Variants in PTPRT observed in about 807,000 individuals in gnomAD.
The protein encoded by PTPRT is protein tyrosine phosphatase receptor type T, also known as receptor-type tyrosine-protein phosphatase T.
PTPRT carries 56 observed loss-of-function variants against 176.8 expected under a neutral mutation model. The ratio of observed to expected loss-of-function variants is 0.32; its 90% CI spans 0.26 to 0.40. PTPRT has a LOEUF of 0.40. PTPRT is among the 10% of genes least tolerant of loss of function. The pLI, the probability that PTPRT is intolerant of heterozygous loss-of-function variation, is 1.00. For synonymous variants in PTPRT, 783 were observed against 739.0 expected, an observed-to-expected ratio of 1.06 and a Z score of -0.96; for missense variants, 1,540 against 1,908.2, an observed-to-expected ratio of 0.81 and a Z score of 3.60.
intron 16 of PTPRT, among the ~76,000 whole-genome samples, chr20:42,173,444 G>C (rs915550319): frequency 6.6e-6 from 1 of 151,668 alleles, no homozygotes; most frequent in Non-Finnish European, 1.5e-5. Flanking sequence ...GTATAATTTT[G>C]TTCAAAAAAG....
At chr20:42,789,655 A>G (rs535226587) in intron 3 of PTPRT, among the ~76,000 whole-genome samples, 9 of 152,300 alleles carry the variant, frequency 5.9e-5, no homozygotes, top group Admixed American at 2.6e-4. Flanking sequence ...CCTCTCCCCT[A>G]TTTCTGAAAG....
chr20:42,547,889 T>C (rs2072703576), intron 7 of PTPRT, among the ~76,000 whole-genome samples: 1 of 152,020 alleles, frequency 6.6e-6, no homozygotes, highest in Non-Finnish European at 1.5e-5. Context: ...CTAGATATAA[T>C]ATCAACTCCA....
intron 3 of PTPRT, among the ~76,000 whole-genome samples, chr20:42,786,152 G>A (rs941282913): frequency 3.9e-5 from 6 of 152,128 alleles, no homozygotes; most frequent in Admixed American, 3.3e-4. Context: ...TAAGTTTCCT[G>A]AGGCCTCCCC....
chr20:42,474,333 T>C (rs181393463), intron 7 of PTPRT, among the ~76,000 whole-genome samples: 16 of 152,276 alleles, frequency 1.1e-4, no homozygotes, highest in African/African-American at 3.8e-4. Context: ...TCTGTCCCTA[T>C]GGGGAAAATA....
intron 7 of PTPRT, among the ~76,000 whole-genome samples, chr20:42,604,108 C>T (rs2073831877): frequency 6.6e-6 from 1 of 152,148 alleles, no homozygotes; most frequent in Admixed American, 6.5e-5. Flanking sequence ...CATGCGGAGC[C>T]CATGTTGCAG....
At chr20:42,901,225 C>A (rs1465397946) in intron 1 of PTPRT, among the ~76,000 whole-genome samples, 3 of 152,162 alleles carry the variant, frequency 2.0e-5, no homozygotes, top group African/African-American at 7.2e-5. Flanking sequence ...TCTCATTCCT[C>A]TGACTCCACC....
chr20:42,464,799 T>A (rs1007973043), intron 8 of PTPRT, among the ~76,000 whole-genome samples: 1 of 152,160 alleles, frequency 6.6e-6, no homozygotes, highest in Non-Finnish European at 1.5e-5. Context: ...CTTTTCCCTT[T>A]TCCCGGTTTT....
intron 1 of PTPRT, among the ~76,000 whole-genome samples, chr20:43,115,037 G>T (rs114018290): frequency 2.6e-5 from 4 of 152,076 alleles, no homozygotes; most frequent in Non-Finnish European, 5.9e-5. Context: ...GGTTACATGC[G>T]CCATTTCATT....
At chr20:42,206,259 A>G (rs1003613269) in intron 15 of PTPRT, among the ~76,000 whole-genome samples, 5 of 152,206 alleles carry the variant, frequency 3.3e-5, no homozygotes, top group Admixed American at 1.3e-4. Flanking sequence ...ATAAGAATCA[A>G]TAGTGTAGCA....
At chr20:42,976,119 C>G (rs1272211180) in intron 1 of PTPRT, among the ~76,000 whole-genome samples, 1 of 152,190 alleles carries the variant, frequency 6.6e-6, no homozygotes, top group Admixed American at 6.5e-5. Context: ...CTGTCAACAT[C>G]TGGAAGCAAA....
In PTPRT at chr20:42,448,242, T is replaced by C. The variant is rs1202202722; in HGVS notation, c.1538A>G (p.Asn513Ser). 1.2e-6 allele frequency: 2 copies of C among 1,611,554 alleles called. No individual in the cohort carries two copies. Among genetic ancestry groups the C allele is most frequent in the Non-Finnish European group, 1.7e-6 (2 of 1,177,672 alleles). ...YIQWKPPNET[N>S]GVITLYEINY... is the part of the protein sequence containing the mutation. ...TACCTCGTAGAGCGTGATGACCCCA[T>C]TGGTCTCATTGGGAGGTTTCCACTG... is the stretch of plus-strand genomic sequence containing the variant. The change falls in exon 9 of 31, where the codon AAT (asparagine) becomes AGT (serine). Residue 513 changes from asparagine (N) to serine (S), a missense_variant. By Grantham distance (46) the Asn-to-Ser change is conservative. Coordinates refer to ENST00000373187, the MANE Select transcript of PTPRT (RefSeq NM_007050.6).
chr20:42,747,890 T>C (rs1034334595), intron 6 of PTPRT, among the ~76,000 whole-genome samples: 31 of 152,172 alleles, frequency 2.0e-4, no homozygotes, highest in African/African-American at 7.2e-4. Flanking sequence ...TTATCTAACT[T>C]TTTCAAATGA....
intron 16 of PTPRT, among the ~76,000 whole-genome samples, chr20:42,198,937 C>T (rs1025040975): frequency 1.3e-5 from 2 of 152,168 alleles, no homozygotes; most frequent in Admixed American, 1.3e-4. Context: ...ACATAACCAT[C>T]CTCCTCCTCT....
intron 17 of PTPRT, among the ~76,000 whole-genome samples, chr20:42,142,331 T>C (rs1322300162): frequency 2.6e-5 from 4 of 152,206 alleles, no homozygotes; most frequent in Non-Finnish European, 5.9e-5. Flanking sequence ...GGCACTGTTT[T>C]AGGTACTAGG....
intron 1 of PTPRT, among the ~76,000 whole-genome samples, chr20:43,052,090 T>C (rs527581739): frequency 1.4e-4 from 21 of 152,262 alleles, no homozygotes; most frequent in African/African-American, 3.6e-4. Flanking sequence ...ACACAGCACA[T>C]GTAATAGAAG....
intron 16 of PTPRT, among the ~76,000 whole-genome samples, chr20:42,181,908 AC>A (rs59293882): frequency 0.011 from 1,692 of 152,128 alleles, 33 homozygotes; most frequent in African/African-American, 0.039. Flanking sequence ...TTAAAAAAAA[AC>A]AACAAGTGGC....
At chr20:42,551,661 T>C (rs1351387563) in intron 7 of PTPRT, among the ~76,000 whole-genome samples, 4 of 152,154 alleles carry the variant, frequency 2.6e-5, no homozygotes, top group African/African-American at 9.7e-5. Context: ...ATTGGCAATT[T>C]CTAGCTTGTT....
At chr20:43,082,294 A>T (rs2011465293) in intron 1 of PTPRT, among the ~76,000 whole-genome samples, 4 of 86,944 alleles carry the variant, frequency 4.6e-5, no homozygotes, top group African/African-American at 1.7e-4. Flanking sequence ...TCTATTTACT[A>T]TGCTTTTTTT....
chr20:42,103,625 C>G (rs1187893538), intron 25 of PTPRT, among the ~76,000 whole-genome samples: 1 of 152,196 alleles, frequency 6.6e-6, no homozygotes, highest in African/African-American at 2.4e-5. Flanking sequence ...GCCACCATGC[C>G]TGGCTCACTT....
Sources: allele counts gnomAD v4.1 joint callset (sites outside exome capture counted in the v4.1 genomes callset), GRCh38; gene constraint gnomAD v4.1.1; transcripts MANE v1.5; gene names NCBI Gene and HGNC (gene_info 2026-07-23, HGNC 2026-07-21).